Variants in DDX10 observed in about 807,000 individuals in gnomAD.
DDX10 encodes probable ATP-dependent RNA helicase DDX10.
A neutral mutation model predicts 104.3 loss-of-function variants in DDX10; 74 were observed. That is an observed-to-expected ratio of 0.71 (90% CI 0.59 to 0.86). The LOEUF is 0.86. Ranked by LOEUF, DDX10 falls within the 40% of genes least tolerant of loss-of-function variation. The pLI is 0.00. For missense variants in DDX10, 952 were observed against 1,040.0 expected (o/e 0.92, Z 1.16); for synonymous variants, 351 against 353.4 (o/e 0.99, Z 0.08).
intron 13 of DDX10, among the ~76,000 whole-genome samples, chr11:108,757,280 A>G (rs1442710139): frequency 6.6e-6 from 1 of 152,078 alleles, no homozygotes. Context: ...CCGACTTACA[A>G]AAACTGTTAC....
intron 13 of DDX10, among the ~76,000 whole-genome samples, chr11:108,831,740 T>C (rs1156393597): frequency 6.6e-6 from 1 of 152,168 alleles, no homozygotes; most frequent in Admixed American, 6.5e-5. Flanking sequence ...GTAGTAGTAA[T>C]GCTTATATTA....
rs1307744235 is a variant in DDX10 at position 108,689,016 on chromosome 11, G to A, written c.929G>A (p.Ser310Asn). 5.6e-6 allele frequency: 9 copies of A among 1,614,088 alleles called. No individual in the cohort carries two copies. The highest frequency in any genetic ancestry group is 7.6e-6 in the Non-Finnish European group (9 of 1,179,944). Residue 310 changes from serine (S) to asparagine (N), a missense_variant, in exon 7 of 18, where the codon AGC becomes AAC. Coordinates refer to ENST00000322536, the MANE Select transcript of DDX10 (RefSeq NM_004398.4). ...KISVLYSFLR[S>N]HLKKKSIVFF... ...AGTGTGCTGTATTCCTTTTTGAGAA[G>A]CCATCTGAAGAAGAAGAGCATTGTA...
chr11:108,820,639 A>G (rs73558621), intron 13 of DDX10, among the ~76,000 whole-genome samples: 4,769 of 152,214 alleles, frequency 0.031, 269 homozygotes, highest in African/African-American at 0.11. Context: ...GGAGACTTTG[A>G]GGTTCATGGG....
At chr11:108,690,719 A>G (rs1344520142) in intron 7 of DDX10, 2 of 194,476 alleles carry the variant, frequency 1.0e-5, no homozygotes, top group Non-Finnish European at 2.1e-5. Flanking sequence ...AGATGCCCCC[A>G]GGAAAATGTC....
intron 13 of DDX10, among the ~76,000 whole-genome samples, chr11:108,726,106 T>A (rs1186574346): frequency 6.6e-6 from 1 of 152,052 alleles, no homozygotes; most frequent in Non-Finnish European, 1.5e-5. Context: ...CGTCTGTCCT[T>A]TCACCAATAA....
chr11:108,763,109 A>AG (rs2094352595), intron 13 of DDX10, among the ~76,000 whole-genome samples: 1 of 152,192 alleles, frequency 6.6e-6, no homozygotes, highest in South Asian at 2.1e-4. Flanking sequence ...CTCCCCACAG[A>AG]GGGGAAGCTG....
At chr11:108,836,691 G>A (rs950963164) in intron 13 of DDX10, among the ~76,000 whole-genome samples, 1 of 152,084 alleles carries the variant, frequency 6.6e-6, no homozygotes, top group Non-Finnish European at 1.5e-5. Flanking sequence ...GTTTTGCTGT[G>A]TTGGCTGGGC....
chr11:108,688,836 G>A lies in DDX10; in HGVS notation c.849-100G>A. ...GTGTATGTGTGTAGGAAATTTGCTT[G>A]AGAGATGTGCCACTATTAAAACTTG... On this transcript the variant is annotated intron_variant, in intron 6 of 17. Coordinates refer to ENST00000322536, the MANE Select transcript of DDX10 (RefSeq NM_004398.4). 9 of 1,328,784 alleles carry A rather than the reference G, an allele frequency of 6.8e-6. 1 individual carries two copies. The South Asian group carries it at 1.3e-4, about 19-fold the overall frequency. The allele number at this position is 1,328,784 out of a possible 1,614,324, so 82.3% of individuals were successfully genotyped here.
chr11:108,719,604 A>G (rs1314790241), intron 11 of DDX10, among the ~76,000 whole-genome samples, 193 bp from the exon 12 acceptor site: 1 of 152,180 alleles, frequency 6.6e-6, no homozygotes, highest in Non-Finnish European at 1.5e-5. Context: ...TTGAAACCAA[A>G]TGCAAAGTTT....
Position 108,917,857 on chromosome 11 carries a change from T to C in DDX10, c.2305-16T>C, listed in dbSNP as rs1299272558. Reference sequence around the variant, plus strand: ...TGACTTCTTCAACTGCAGTTTCCCTTATTATTATTTTTTAGGCCAAAGATG... The same window carrying C: ...TGACTTCTTCAACTGCAGTTTCCCTCATTATTATTTTTTAGGCCAAAGATG... On this transcript the variant is annotated splice_polypyrimidine_tract_variant and intron_variant, in intron 16 of 17. Transcript: ENST00000322536. 1.2e-6 allele frequency: 2 copies of C among 1,605,886 alleles called. No individual in the cohort carries two copies. Among genetic ancestry groups the C allele is most frequent in the South Asian group, 2.2e-5 (2 of 89,774 alleles).
intron 13 of DDX10, among the ~76,000 whole-genome samples, chr11:108,790,549 T>G (rs567853189): frequency 6.6e-6 from 1 of 152,348 alleles, no homozygotes; most frequent in Admixed American, 6.5e-5. Context: ...GTTTTCTGTT[T>G]TCAAATGCAT....
At chr11:108,707,711 G>A (rs1447111651) in intron 10 of DDX10, among the ~76,000 whole-genome samples, 1 of 152,112 alleles carries the variant, frequency 6.6e-6, no homozygotes, top group East Asian at 1.9e-4. Context: ...ACTAAATAGA[G>A]GGTTAAAGAT....
chr11:108,833,560 G>C (rs1429909554), intron 13 of DDX10, among the ~76,000 whole-genome samples: 1 of 152,210 alleles, frequency 6.6e-6, no homozygotes, highest in Admixed American at 6.5e-5. Flanking sequence ...TCTAACAGTG[G>C]CTTCCCTAAA....
intron 6 of DDX10, among the ~76,000 whole-genome samples, chr11:108,679,846 A>G (rs1256401297): frequency 6.6e-6 from 1 of 152,238 alleles, no homozygotes; most frequent in Non-Finnish European, 1.5e-5. Flanking sequence ...CTCTTAATAA[A>G]CGAAGGGAGA....
intron 10 of DDX10, among the ~76,000 whole-genome samples, chr11:108,712,058 A>G (rs189387275): frequency 1.3e-5 from 2 of 152,304 alleles, no homozygotes; most frequent in Non-Finnish European, 2.9e-5. Flanking sequence ...ATGTCATGCC[A>G]TTTATCCCTG....
intron 9 of DDX10, among the ~76,000 whole-genome samples, 164 bp from the exon 10 acceptor site, chr11:108,706,575 G>A (rs938057519): frequency 1.3e-5 from 2 of 152,162 alleles, no homozygotes; most frequent in Non-Finnish European, 2.9e-5. Flanking sequence ...AAAATGATAT[G>A]AGGTGTTCAG....
chr11:108,771,233 C>A (rs555046991), intron 13 of DDX10, among the ~76,000 whole-genome samples: 1 of 151,974 alleles, frequency 6.6e-6, no homozygotes, highest in Non-Finnish European at 1.5e-5. Context: ...CTTTCAGCTC[C>A]GTCTATATTC....
chr11:108,903,698 A>G (rs543021790), intron 16 of DDX10, among the ~76,000 whole-genome samples: 1 of 152,206 alleles, frequency 6.6e-6, no homozygotes, highest in East Asian at 1.9e-4. Flanking sequence ...TTTTTGTTTG[A>G]TTCTAACCAA....
At chr11:108,780,153 T>C (rs1465026172) in intron 13 of DDX10, among the ~76,000 whole-genome samples, 2 of 152,210 alleles carry the variant, frequency 1.3e-5, no homozygotes, top group Non-Finnish European at 2.9e-5. Context: ...TCGATGTGTT[T>C]TGCCACCTTG....
Sources: allele counts gnomAD v4.1 joint callset (sites outside exome capture counted in the v4.1 genomes callset), GRCh38; gene constraint gnomAD v4.1.1; transcripts MANE v1.5; gene names NCBI Gene and HGNC (gene_info 2026-07-23, HGNC 2026-07-21).